Variants in TRPC7 observed in about 807,000 individuals in gnomAD.
TRPC7 encodes transient receptor potential cation channel subfamily C member 7.
Under a neutral mutation model 90.1 loss-of-function variants are expected in TRPC7, and 42 were observed. That is an observed-to-expected ratio of 0.47 (90% confidence interval 0.36 to 0.60). The LOEUF is 0.60. TRPC7 is among the 20% of genes least tolerant of loss of function. The pLI is 0.00. For missense variants in TRPC7, 955 were observed against 1,112.3 expected, an observed-to-expected ratio of 0.86 and a Z score of 2.01; for synonymous variants, 451 against 436.3, an observed-to-expected ratio of 1.03 and a Z score of -0.42.
At chr5:136,215,504 C>T (rs1755234763) in intron 11 of TRPC7, among the ~76,000 whole-genome samples, 1 of 152,108 alleles carries the variant, frequency 6.6e-6, no homozygotes. Flanking sequence ...CCTGGTGGAA[C>T]CAATTCAATC....
intron 3 of TRPC7, among the ~76,000 whole-genome samples, chr5:136,289,804 C>T (rs1421873193): frequency 6.6e-6 from 1 of 152,228 alleles, no homozygotes; most frequent in African/African-American, 2.4e-5. Flanking sequence ...GTGGTTCTCC[C>T]AGCACGCAGC....
rs1755148262 is a variant in TRPC7, at chr5:136,213,174, G to T, written c.*261C>A. ...GGGTTTCACTGTGGCTGGACCAAAG[G>T]TCTCACACTCGTCAGGGGGCTGTTC... On this transcript the variant is annotated 3_prime_UTR_variant, in exon 12 of 12. Coordinates refer to ENST00000513104, the MANE Select transcript of TRPC7 (RefSeq NM_020389.3). The T allele has an allele frequency of 6.4e-6, 3 of 468,286 alleles. No homozygotes were observed. The highest frequency in any genetic ancestry group is 1.2e-5 in the Non-Finnish European group (3 of 259,208). 29.0% of individuals were successfully genotyped at this position (468,286 alleles called of 1,614,324 possible). A position where few individuals can be genotyped will look rare whatever the true frequency, so the allele number is the denominator to read the frequency against.
chr5:136,322,859 T>C (rs1364788614), intron 2 of TRPC7, among the ~76,000 whole-genome samples: 1 of 152,260 alleles, frequency 6.6e-6, no homozygotes, highest in African/African-American at 2.4e-5. Context: ...GAGTTCTTTA[T>C]ATATTCAGGA....
chr5:136,251,159 T>C (rs533820664), intron 6 of TRPC7, among the ~76,000 whole-genome samples: 1 of 152,370 alleles, frequency 6.6e-6, no homozygotes, highest in Admixed American at 6.5e-5. Flanking sequence ...CTTTGCATTT[T>C]GCAAGAATTA....
chr5:136,213,347 G>C lies in TRPC7; in HGVS notation c.*88C>G. The C allele has an allele frequency of 7.0e-7, 1 of 1,419,922 alleles. No individual in the cohort carries two copies. The highest frequency in any genetic ancestry group is 9.6e-7 in the Non-Finnish European group (1 of 1,037,482). 88.0% of individuals were successfully genotyped at this position (1,419,922 alleles called of 1,614,324 possible). On this transcript the variant is annotated 3_prime_UTR_variant, in exon 12 of 12. Transcript: ENST00000513104. The stretch of plus-strand genomic sequence containing the variant: ...CCTTCGTGTCCTAGAGGAGTGGGCT[G>C]GGGACCCCTCCCCACCAAGGATGGG...
intron 3 of TRPC7, among the ~76,000 whole-genome samples, chr5:136,304,967 C>T (rs191800046): frequency 3.5e-4 from 53 of 152,318 alleles, no homozygotes; most frequent in African/African-American, 7.7e-4. Context: ...CAGCAGCTGC[C>T]GCTGCTTTAA....
At chr5:136,217,299 C>A (rs571213117) in intron 10 of TRPC7, among the ~76,000 whole-genome samples, 2 of 152,360 alleles carry the variant, frequency 1.3e-5, no homozygotes, top group African/African-American at 4.8e-5. Context: ...GCTACATAGG[C>A]TGAGGAAAAG....
At chr5:136,340,488 T>C (rs1337926426) in intron 2 of TRPC7, among the ~76,000 whole-genome samples, 1 of 152,198 alleles carries the variant, frequency 6.6e-6, no homozygotes, top group Non-Finnish European at 1.5e-5. Flanking sequence ...AGGTGATTAA[T>C]ATCTTAATTA....
chr5:136,341,088 C>G lies in TRPC7; in HGVS notation c.780+15520G>C, dbSNP rs1326204804. Among the ~76,000 whole-genome samples the G allele has an allele frequency of 4.9e-4, 75 of 152,252 alleles. 1 individual carries two copies. ...TCAATCTCTTATATAGTTTTCAGTG[C>G]CAGTGCTCTTTGACCCAGCGACTCC... On this transcript the variant is annotated intron_variant, in intron 2 of 11. Coordinates refer to ENST00000513104, the MANE Select transcript of TRPC7 (RefSeq NM_020389.3).
intron 7 of TRPC7, among the ~76,000 whole-genome samples, chr5:136,246,721 A>T (rs1364714971): frequency 6.6e-6 from 1 of 152,236 alleles, no homozygotes; most frequent in African/African-American, 2.4e-5. Context: ...AAGTGTTAGC[A>T]TGCAACTTTT....
rs1218808362 is a variant in TRPC7, at chr5:136,365,370, T to G, written c.-116A>C. ...AAGGATGTACCGCTCTCCGTGGTGC[T>G]GAAGTATAGAGCTGGTCAAGTGAGT... On this transcript the variant is annotated 5_prime_UTR_variant, in exon 1 of 12. Coordinates refer to ENST00000513104, the MANE Select transcript of TRPC7 (RefSeq NM_020389.3). 9.3e-7 allele frequency: 1 copy of G among 1,080,720 alleles called. No homozygotes were observed. Among genetic ancestry groups the G allele is most frequent in the Non-Finnish European group, 1.4e-6 (1 of 731,530 alleles). 66.9% of individuals were successfully genotyped at this position (1,080,720 alleles called of 1,614,324 possible). A position where few individuals can be genotyped will look rare whatever the true frequency, so the allele number is the denominator to read the frequency against.
chr5:136,360,839 C>A (rs1760547312), intron 1 of TRPC7, among the ~76,000 whole-genome samples: 2 of 152,156 alleles, frequency 1.3e-5, no homozygotes. Context: ...GCCTTTTAAC[C>A]TCACTGTGGC....
intron 3 of TRPC7, among the ~76,000 whole-genome samples, chr5:136,307,445 G>A (rs1313308774): frequency 6.6e-6 from 1 of 152,196 alleles, no homozygotes; most frequent in Non-Finnish European, 1.5e-5. Flanking sequence ...TTTATGCAAA[G>A]CACCCAAGTG....
chr5:136,218,638 C>T (rs1755351127), intron 10 of TRPC7, among the ~76,000 whole-genome samples: 1 of 152,204 alleles, frequency 6.6e-6, no homozygotes. Flanking sequence ...TATTTAAGAA[C>T]ATTCCATAGC....
Position 136,336,665 on chromosome 5 carries a change from C to T in TRPC7, c.780+19943G>A, listed in dbSNP as rs115186226. 2.9e-3 allele frequency among the ~76,000 whole-genome samples: 441 copies of T among 152,136 alleles called. 7 individuals are homozygous for T. The highest frequency in any genetic ancestry group is 0.01 in the African/African-American group (426 of 41,492). ...CTAATGCTATCCCTCCCCCTTTCCC[C>T]CGATCCCAGGACAGGCCCCTGGGGT... On this transcript the variant is annotated intron_variant, in intron 2 of 11. Transcript: ENST00000513104.
intron 2 of TRPC7, among the ~76,000 whole-genome samples, chr5:136,330,557 G>T (rs1580963199): frequency 6.6e-6 from 1 of 152,254 alleles, no homozygotes; most frequent in African/African-American, 2.4e-5. Flanking sequence ...CTGAAGGGCA[G>T]GTGTGGGAGG....
intron 3 of TRPC7, among the ~76,000 whole-genome samples, chr5:136,279,140 T>G (rs1221230476): frequency 6.6e-6 from 1 of 152,138 alleles, no homozygotes; most frequent in African/African-American, 2.4e-5. Context: ...TCTGTTCCTG[T>G]ATGCCAAGGA....
intron 5 of TRPC7, among the ~76,000 whole-genome samples, chr5:136,257,966 G>C (rs1756737623): frequency 6.6e-6 from 1 of 152,126 alleles, no homozygotes; most frequent in African/African-American, 2.4e-5. Context: ...GTTCTAGCTT[G>C]GCTACCTATT....
chr5:136,230,269 C>T (rs1015965266), intron 8 of TRPC7, among the ~76,000 whole-genome samples: 15 of 152,140 alleles, frequency 9.9e-5, no homozygotes, highest in African/African-American at 3.6e-4. Flanking sequence ...GAAGGTAAAG[C>T]AACAACATGA....
Sources: allele counts gnomAD v4.1 joint callset (sites outside exome capture counted in the v4.1 genomes callset), GRCh38; gene constraint gnomAD v4.1.1; transcripts MANE v1.5; gene names NCBI Gene and HGNC (gene_info 2026-07-23, HGNC 2026-07-21).